The following BABAM2 variants were observed in gnomAD, a reference collection of about 807,000 sequenced individuals.
BABAM2 encodes the protein BRISC and BRCA1-A complex member 2.
BABAM2 carries 31 observed loss-of-function variants against 54.7 expected under a neutral mutation model. The observed-to-expected ratio is 0.57, with a 90% CI of 0.43 to 0.77. The LOEUF is 0.77. BABAM2 is among the 30% of genes least tolerant of loss of function. The pLI is 0.00. For synonymous variants in BABAM2, 167 were observed against 162.9 expected, an observed-to-expected ratio of 1.03 and a Z score of -0.19; for missense variants, 364 against 455.8, an observed-to-expected ratio of 0.80 and a Z score of 1.83.
At chr2:28,076,384 C>T (rs979721423) in intron 6 of BABAM2, among the ~76,000 whole-genome samples, 5 of 151,948 alleles carry the variant, frequency 3.3e-5, no homozygotes, top group African/African-American at 1.2e-4. Context: ...GCAACAACTC[C>T]TCTTTCAGTA....
intron 11 of BABAM2, among the ~76,000 whole-genome samples, chr2:28,298,914 ATTCGAGT>A (rs1687904687): frequency 6.6e-6 from 1 of 152,218 alleles, no homozygotes; most frequent in Non-Finnish European, 1.5e-5. Flanking sequence ...CTAAATAGGA[ATTCGAGT>A]TGTGGGTAAA....
At chr2:28,292,830 T>C (rs930967067) in intron 10 of BABAM2, among the ~76,000 whole-genome samples, 1 of 152,186 alleles carries the variant, frequency 6.6e-6, no homozygotes, top group Non-Finnish European at 1.5e-5. Flanking sequence ...CTGAGTGATA[T>C]CCAGCACTGT....
chr2:27,936,323 A>C (rs1366127131), intron 3 of BABAM2, among the ~76,000 whole-genome samples: 1 of 152,204 alleles, frequency 6.6e-6, no homozygotes, highest in African/African-American at 2.4e-5. Context: ...GATGTGGAGA[A>C]ATAGGAACAG....
chr2:28,193,901 A>C (rs904528209), intron 7 of BABAM2, among the ~76,000 whole-genome samples: 1 of 152,204 alleles, frequency 6.6e-6, no homozygotes, highest in Admixed American at 6.5e-5. Context: ...CAGATGAGTC[A>C]CTGCCTCTGA....
intron 3 of BABAM2, among the ~76,000 whole-genome samples, chr2:27,987,270 A>G (rs1672461608): frequency 6.6e-6 from 1 of 152,160 alleles, no homozygotes; most frequent in South Asian, 2.1e-4. Flanking sequence ...TATAAGCCAT[A>G]TGTTCTTTCC....
At chr2:28,328,806 G>T (rs1010140821) in intron 11 of BABAM2, among the ~76,000 whole-genome samples, 1 of 152,150 alleles carries the variant, frequency 6.6e-6, no homozygotes, top group African/African-American at 2.4e-5. Flanking sequence ...ACCCAGTAGT[G>T]TTGTGAGCAC....
chr2:28,021,383 C>G (rs1051653046), intron 4 of BABAM2, among the ~76,000 whole-genome samples: 1 of 152,062 alleles, frequency 6.6e-6, no homozygotes, highest in African/African-American at 2.4e-5. Context: ...TGTGCAGGCC[C>G]TGTGTGGGGG....
intron 11 of BABAM2, chr2:28,308,481 C>T: frequency 1.9e-6 from 1 of 528,900 alleles, no homozygotes; most frequent in Non-Finnish European, 3.7e-6. Context: ...CAACAAGCAC[C>T]AGATCAAACA....
At chr2:28,027,055 C>T (rs1675918030) in intron 5 of BABAM2, among the ~76,000 whole-genome samples, 1 of 142,200 alleles carries the variant, frequency 7.0e-6, no homozygotes, top group South Asian at 2.1e-4. Flanking sequence ...GTATGATTCC[C>T]ATCACCACCA....
At chr2:28,114,099 T>A (rs1438426840) in intron 6 of BABAM2, among the ~76,000 whole-genome samples, 1 of 152,206 alleles carries the variant, frequency 6.6e-6, no homozygotes, top group Admixed American at 6.5e-5. Flanking sequence ...GCATTCCCTT[T>A]GAAAACTAGC....
At chr2:28,297,041 G>A (rs1037569175) in intron 10 of BABAM2, among the ~76,000 whole-genome samples, 5 of 152,130 alleles carry the variant, frequency 3.3e-5, no homozygotes, top group Non-Finnish European at 5.9e-5. Context: ...CTAAAAAGAC[G>A]AACCTTATAC....
chr2:27,946,735 G>A (rs938473470), intron 3 of BABAM2, among the ~76,000 whole-genome samples: 19 of 152,170 alleles, frequency 1.2e-4, no homozygotes, highest in Non-Finnish European at 4.4e-5. Flanking sequence ...GAGAGTGAGC[G>A]AGAGGGAAGG....
chr2:28,149,026 T>C (rs1458481116), intron 7 of BABAM2, among the ~76,000 whole-genome samples: 5 of 152,186 alleles, frequency 3.3e-5, no homozygotes, highest in Admixed American at 6.5e-5. Flanking sequence ...TCCTTATTAA[T>C]AGCAATGCAT....
At chr2:28,113,627 C>T (rs1440526643) in intron 6 of BABAM2, among the ~76,000 whole-genome samples, 1 of 151,986 alleles carries the variant, frequency 6.6e-6, no homozygotes, top group African/African-American at 2.4e-5. Context: ...TGTCTTGGCT[C>T]TATGGGCTCT....
At chr2:28,189,289 C>T (rs900294171) in intron 7 of BABAM2, among the ~76,000 whole-genome samples, 13 of 152,112 alleles carry the variant, frequency 8.5e-5, no homozygotes, top group Admixed American at 7.9e-4. Flanking sequence ...AGTTTTCATT[C>T]CCAAAGGGCT....
intron 6 of BABAM2, among the ~76,000 whole-genome samples, chr2:28,127,624 A>C (rs542902098): frequency 6.6e-6 from 1 of 152,068 alleles, no homozygotes; most frequent in African/African-American, 2.4e-5. Context: ...CTGTGTATAC[A>C]TGTCACACTC....
intron 7 of BABAM2, among the ~76,000 whole-genome samples, chr2:28,236,229 A>G (rs1681897751): frequency 6.6e-6 from 1 of 152,152 alleles, no homozygotes; most frequent in Non-Finnish European, 1.5e-5. Context: ...AAGTGAGCAT[A>G]GGAAAGAAGA....
chr2:28,073,283 C>A (rs1297780890), intron 6 of BABAM2, among the ~76,000 whole-genome samples: 1 of 152,042 alleles, frequency 6.6e-6, no homozygotes, highest in African/African-American at 2.4e-5. Context: ...TTGCTTGAGG[C>A]CAGGGGTTTG....
chr2:28,010,482 T>C (rs1006098817), intron 4 of BABAM2, among the ~76,000 whole-genome samples: 9 of 152,192 alleles, frequency 5.9e-5, no homozygotes, highest in African/African-American at 2.2e-4. Flanking sequence ...ATACTTTTGG[T>C]TGAAGTGCTC....
Sources: allele counts gnomAD v4.1 joint callset (sites outside exome capture counted in the v4.1 genomes callset), GRCh38; gene constraint gnomAD v4.1.1; transcripts MANE v1.5; gene names NCBI Gene and HGNC (gene_info 2026-07-23, HGNC 2026-07-21).